Variants in TPP2 observed in about 807,000 individuals in gnomAD.
TPP2 encodes tripeptidyl peptidase 2.
Under a neutral mutation model 155.9 loss-of-function variants are expected in TPP2, and 34 were observed. That is an observed-to-expected ratio of 0.22 (90% CI 0.17 to 0.29). The LOEUF (loss-of-function observed/expected upper bound fraction) is 0.29. Among genes scored for constraint, TPP2 ranks in the 10% least tolerant of loss-of-function variants. TPP2 has a pLI of 1.00. For missense variants in TPP2, 1,028 were observed against 1,522.3 expected (o/e 0.68, Z 5.40); for synonymous variants, 510 against 529.4 (o/e 0.96, Z 0.50).
intron 2 of TPP2, 49 bp from the exon 3 acceptor site, chr13:102,614,052 A>G (rs369965477): frequency 6.5e-7 from 1 of 1,537,638 alleles, no homozygotes; most frequent in African/African-American, 1.4e-5. Flanking sequence ...TATCATTGGA[A>G]TTGGAAAGCA....
intron 10 of TPP2, among the ~76,000 whole-genome samples, chr13:102,633,544 A>G (rs893885491): frequency 2.0e-5 from 3 of 152,142 alleles, no homozygotes; most frequent in Non-Finnish European, 4.4e-5. Flanking sequence ...TATGGCCCAC[A>G]TTATATTTCT....
intron 4 of TPP2, among the ~76,000 whole-genome samples, chr13:102,617,108 G>GT (rs1880802163): frequency 6.6e-6 from 1 of 151,562 alleles, no homozygotes; most frequent in African/African-American, 2.4e-5. Flanking sequence ...TAGAGACAGG[G>GT]TTTCACCGTG....
chr13:102,614,001 C>A (rs1880520402), intron 2 of TPP2, 100 bp from the exon 3 acceptor site: 2 of 966,186 alleles, frequency 2.1e-6, no homozygotes, highest in Non-Finnish European at 1.5e-6. Context: ...CCAATTTAAG[C>A]TTATTAGAGT....
chr13:102,613,392 A>G (rs1218262962), intron 2 of TPP2, among the ~76,000 whole-genome samples: 1 of 152,204 alleles, frequency 6.6e-6, no homozygotes. Context: ...TACATATTTA[A>G]AAGCTGGTTT....
intron 24 of TPP2, among the ~76,000 whole-genome samples, chr13:102,652,453 T>TAA (rs1566359277): frequency 4.6e-5 from 4 of 87,394 alleles, no homozygotes; most frequent in Admixed American, 1.2e-4. Context: ...TATATATATA[T>TAA]AAAAGGGACC....
intron 4 of TPP2, 51 bp from the exon 5 acceptor site, chr13:102,618,671 C>T: frequency 6.3e-7 from 1 of 1,592,150 alleles, no homozygotes; most frequent in Non-Finnish European, 8.5e-7. Flanking sequence ...GTTAATACAA[C>T]TTTTAGAAGG....
At chr13:102,647,515 CA>C (rs1368597076) in intron 21 of TPP2, among the ~76,000 whole-genome samples, 171 bp downstream of exon 21, 2 of 152,186 alleles carry the variant, frequency 1.3e-5, no homozygotes, top group Non-Finnish European at 2.9e-5. Flanking sequence ...CGGTGAAGAA[CA>C]GATGGTGTCA....
chr13:102,601,154 T>G (rs928966134), intron 1 of TPP2, among the ~76,000 whole-genome samples: 17 of 152,100 alleles, frequency 1.1e-4, no homozygotes, highest in Non-Finnish European at 8.8e-5. Context: ...ATCTCTCTAC[T>G]TACTTTTTCT....
At chr13:102,638,487 C>G (rs867951914) in intron 15 of TPP2, among the ~76,000 whole-genome samples, 172 bp downstream of exon 15, 8 of 152,294 alleles carry the variant, frequency 5.3e-5, no homozygotes, top group Middle Eastern at 3.4e-3. Flanking sequence ...CATACTGACT[C>G]TTGTGTGCTC....
intron 15 of TPP2, among the ~76,000 whole-genome samples, chr13:102,639,549 C>CGAA (rs1882618080): frequency 1.3e-5 from 2 of 152,264 alleles, no homozygotes; most frequent in South Asian, 4.2e-4. Context: ...CTCTTCTTGT[C>CGAA]TATCTGGAGC....
At chr13:102,662,157 A>C (rs1012353131) in intron 25 of TPP2, among the ~76,000 whole-genome samples, 13 of 152,212 alleles carry the variant, frequency 8.5e-5, no homozygotes, top group Non-Finnish European at 1.9e-4. Flanking sequence ...AGCCAGTCAC[A>C]AAAAGACCAT....
chr13:102,602,759 A>G (rs1304559168), intron 1 of TPP2, among the ~76,000 whole-genome samples: 1 of 152,246 alleles, frequency 6.6e-6, no homozygotes, highest in South Asian at 2.1e-4. Flanking sequence ...AGAAAGACCC[A>G]GAGCAGTGGA....
At chr13:102,651,579 GTTT>G (rs67186749) in intron 24 of TPP2, among the ~76,000 whole-genome samples, 182 bp downstream of exon 24, 1 of 144,788 alleles carries the variant, frequency 6.9e-6, no homozygotes, top group Non-Finnish European at 1.5e-5. Flanking sequence ...TTTTCTAAAG[GTTT>G]TTTTTTTTTT....
intron 29 of TPP2, among the ~76,000 whole-genome samples, chr13:102,676,925 A>T (rs1566379887): frequency 3.3e-5 from 5 of 152,214 alleles, no homozygotes; most frequent in African/African-American, 7.2e-5. Context: ...TACAGAAGTT[A>T]CTTTAGTCTG....
intron 27 of TPP2, among the ~76,000 whole-genome samples, chr13:102,671,161 A>G (rs2139611950): frequency 6.6e-6 from 1 of 152,214 alleles, no homozygotes; most frequent in East Asian, 1.9e-4. Flanking sequence ...GGGGAATAGT[A>G]TAAAAGCAGT....
At position 102,627,179 on chromosome 13, in the gene TPP2, G is replaced by A; in HGVS notation, c.939+13G>A. ...CCTCATAAGAGCTGTGAGTGTTTGT[G>A]AGTTGTTGATTCAGAAGATTAATGA... is the stretch of plus-strand genomic sequence containing the variant. On this transcript the variant is annotated intron_variant, in intron 7 of 29. Transcript: ENST00000376052. 6.4e-7 allele frequency: 1 copy of A among 1,554,404 alleles called. No individual in the cohort carries two copies. The highest frequency in any genetic ancestry group is 8.7e-7 in the Non-Finnish European group (1 of 1,153,624).
intron 27 of TPP2, among the ~76,000 whole-genome samples, chr13:102,669,072 T>C (rs924613243): frequency 2.6e-5 from 4 of 152,234 alleles, no homozygotes; most frequent in African/African-American, 4.8e-5. Flanking sequence ...AACAATTCAG[T>C]TGAACCGCAC....
In TPP2 at chr13:102,630,234, G is replaced by A. The variant is rs140968248; in HGVS notation, c.1244+39G>A. ...GAACGCGGAACCATTACGTATATTC[G>A]GTTAAACTTTACACTGTTGAGAAGG... is the stretch of plus-strand genomic sequence containing the variant. On this transcript the variant is annotated intron_variant, in intron 10 of 29. Coordinates refer to ENST00000376052, the MANE Select transcript of TPP2 (RefSeq NM_001330588.2). 6.1e-4 allele frequency: 925 copies of A among 1,504,726 alleles called. 4 individuals are homozygous for A. The African/African-American group carries it at 0.011, about 17-fold the overall frequency. 93.2% of individuals were successfully genotyped at this position (1,504,726 alleles called of 1,614,324 possible).
intron 27 of TPP2, among the ~76,000 whole-genome samples, chr13:102,665,963 G>A (rs1049276272): frequency 6.6e-6 from 1 of 151,770 alleles, no homozygotes; most frequent in Non-Finnish European, 1.5e-5. Context: ...TGCTTCTTTG[G>A]CCACTATTAT....
Sources: gnomAD v4.1 joint callset for allele counts (sites outside exome capture counted in the v4.1 genomes callset) on GRCh38, gnomAD v4.1.1 for gene constraint, MANE v1.5 for transcripts, NCBI Gene and HGNC (gene_info 2026-07-23, HGNC 2026-07-21) for gene names.